PDE1A: variants seen among roughly 807,000 people sequenced by gnomAD.
The protein encoded by PDE1A is dual specificity calcium/calmodulin-dependent 3',5'-cyclic nucleotide phosphodiesterase 1A.
Under a neutral mutation model 61.7 loss-of-function variants are expected in PDE1A, and 35 were observed. The observed-to-expected ratio is 0.57, with a 90% confidence interval of 0.43 to 0.75. The LOEUF is 0.75. PDE1A is among the 30% of genes least tolerant of loss of function. The pLI, the probability that PDE1A is intolerant of heterozygous loss-of-function variation, is 0.00. For missense variants in PDE1A, 597 were observed against 630.6 expected (o/e 0.95, Z 0.57); for synonymous variants, 232 against 213.2 (o/e 1.09, Z -0.77).
chr2:182,410,306 G>A (rs1006097874), intron 1 of PDE1A, among the ~76,000 whole-genome samples: 41 of 152,278 alleles, frequency 2.7e-4, no homozygotes, highest in African/African-American at 9.6e-4. Context: ...AGTCAAGGTT[G>A]TAATGAGTCA....
intron 13 of PDE1A, among the ~76,000 whole-genome samples, chr2:182,184,933 T>C (rs1685080626): frequency 1.3e-5 from 2 of 152,184 alleles, no homozygotes; most frequent in African/African-American, 4.8e-5. Flanking sequence ...ATTTCTTAAA[T>C]TCCATGAAAA....
At chr2:182,530,769 T>C in the PDE1A span, among the ~76,000 whole-genome samples, 4 of 151,904 alleles carry the variant, frequency 2.6e-5, no homozygotes, top group South Asian at 6.2e-4. Context: ...TTTAAAACAA[T>C]AGCTAAAGGA....
chr2:182,428,627 T>C (rs997918260), upstream of PDE1A, among the ~76,000 whole-genome samples: 3 of 152,154 alleles, frequency 2.0e-5, no homozygotes, highest in African/African-American at 7.2e-5. Flanking sequence ...GATGCTTTAT[T>C]ATTACCATAT....
chr2:182,606,422 C>T, the PDE1A span, among the ~76,000 whole-genome samples: 1 of 152,200 alleles, frequency 6.6e-6, no homozygotes, highest in Non-Finnish European at 1.5e-5. Flanking sequence ...TTGTAATCCA[C>T]CCGCCCTGGC....
At chr2:182,179,711 C>T (rs1453603343) in intron 13 of PDE1A, among the ~76,000 whole-genome samples, 1 of 152,144 alleles carries the variant, frequency 6.6e-6, no homozygotes, top group Non-Finnish European at 1.5e-5. Context: ...CTCTGTCTCT[C>T]TCTTTCTTCC....
intron 1 of PDE1A, among the ~76,000 whole-genome samples, chr2:182,409,283 T>G (rs529970768): frequency 6.6e-5 from 10 of 152,214 alleles, no homozygotes; most frequent in Non-Finnish European, 1.2e-4. Flanking sequence ...AATTTCTACC[T>G]GAACAGAATA....
intron 7 of PDE1A, 108 bp downstream of exon 7, chr2:182,223,756 C>T: frequency 3.2e-6 from 2 of 615,798 alleles, no homozygotes; most frequent in Non-Finnish European, 5.4e-6. Flanking sequence ...TTAATTAAAC[C>T]TGTTCTTATT....
chr2:182,469,121 G>A (rs1686864056), intron 2 of PDE1A, among the ~76,000 whole-genome samples: 1 of 151,886 alleles, frequency 6.6e-6, no homozygotes, highest in Non-Finnish European at 1.5e-5. Flanking sequence ...ATCAGCTCCT[G>A]ACAGGGGAGT....
the PDE1A span, among the ~76,000 whole-genome samples, chr2:182,670,082 C>T: frequency 1.3e-5 from 2 of 152,180 alleles, no homozygotes; most frequent in African/African-American, 4.8e-5. Context: ...GCCACAGGGC[C>T]ATGCAGATAT....
intron 1 of PDE1A, among the ~76,000 whole-genome samples, chr2:182,417,554 G>T: frequency 6.6e-6 from 1 of 152,114 alleles, no homozygotes; most frequent in East Asian, 1.9e-4. Context: ...AAGCATTGAA[G>T]ATTTTTTAGA....
chr2:182,396,528 G>A (rs575624808), intron 1 of PDE1A, among the ~76,000 whole-genome samples: 3 of 152,328 alleles, frequency 2.0e-5, no homozygotes, highest in East Asian at 1.9e-4. Flanking sequence ...AACTGTAATT[G>A]TCATGAGTAT....
rs1290351930 is a variant in PDE1A at position 182,175,629 on chromosome 2, T to TA, written c.1517-7340dup. Among the ~76,000 whole-genome samples, 12 of 84,370 alleles carry TA rather than the reference T, an allele frequency of 1.4e-4. No individual in the cohort carries two copies. In the South Asian group the frequency reaches 3.9e-3, roughly 28 times the overall value. 55.3% of individuals were successfully genotyped at this position (84,370 alleles called of 152,430 possible). On this transcript the variant is annotated intron_variant, in intron 13 of 13. Transcript: ENST00000351439. ...GTTGCGAAAATTTTCTCCCATTTTG[T>TA]AGGTTGCCTGTTCACTCTGATGGTA...
chr2:182,628,823 C>G, the PDE1A span, among the ~76,000 whole-genome samples: 3 of 152,098 alleles, frequency 2.0e-5, no homozygotes, highest in African/African-American at 4.8e-5. Flanking sequence ...CTTGACCCCC[C>G]CAGTGATCCA....
chr2:182,429,521 C>T (rs1483244562), upstream of PDE1A, among the ~76,000 whole-genome samples: 1 of 151,990 alleles, frequency 6.6e-6, no homozygotes, highest in African/African-American at 2.4e-5. Context: ...CAAAGTCAGG[C>T]TGACTTAGTC....
chr2:182,351,189 T>C (rs1698856623), intron 1 of PDE1A, among the ~76,000 whole-genome samples: 1 of 152,218 alleles, frequency 6.6e-6, no homozygotes, highest in South Asian at 2.1e-4. Context: ...CTCGCAGCAC[T>C]TGAGGACTAC....
intron 1 of PDE1A, among the ~76,000 whole-genome samples, chr2:182,378,752 C>G (rs1490249694): frequency 6.6e-6 from 1 of 152,210 alleles, no homozygotes; most frequent in Non-Finnish European, 1.5e-5. Context: ...ATGTTATGCA[C>G]TGTATTGTTC....
the PDE1A span, among the ~76,000 whole-genome samples, chr2:182,594,208 A>G: frequency 6.6e-6 from 1 of 152,334 alleles, no homozygotes; most frequent in African/African-American, 2.4e-5. Context: ...TTTAACACTC[A>G]TGTGCATTAA....
chr2:182,594,246 T>C, the PDE1A span, among the ~76,000 whole-genome samples: 1 of 152,224 alleles, frequency 6.6e-6, no homozygotes, highest in Non-Finnish European at 1.5e-5. Context: ...TATTTATTTC[T>C]AGATTGCCAA....
the PDE1A span, among the ~76,000 whole-genome samples, chr2:182,635,424 TTTTG>T: frequency 6.6e-6 from 1 of 152,098 alleles, no homozygotes; most frequent in Non-Finnish European, 1.5e-5. Flanking sequence ...CCTGGACCTT[TTTTG>T]TTTAATATAC....
Sources: allele counts gnomAD v4.1 joint callset (sites outside exome capture counted in the v4.1 genomes callset), GRCh38; gene constraint gnomAD v4.1.1; transcripts MANE v1.5; gene names NCBI Gene and HGNC (gene_info 2026-07-23, HGNC 2026-07-21).